The following PDE1C variants were observed in gnomAD, a reference collection of about 807,000 sequenced individuals.
PDE1C encodes phosphodiesterase 1C, also known as dual specificity calcium/calmodulin-dependent 3',5'-cyclic nucleotide phosphodiesterase 1C.
PDE1C carries 62 observed loss-of-function variants against 93.1 expected under a neutral mutation model. The ratio of observed to expected loss-of-function variants is 0.67; its 90% CI spans 0.54 to 0.82. The LOEUF is 0.82. PDE1C is among the 40% of genes least tolerant of loss of function. The probability of loss-of-function intolerance (pLI) is 0.00; values close to 1 mark genes in which losing one functional copy is unlikely to be tolerated. For synonymous variants in PDE1C, 325 were observed against 310.1 expected (o/e 1.05, Z -0.50); for missense variants, 742 against 884.6 (o/e 0.84, Z 2.04).
intron 12 of PDE1C, among the ~76,000 whole-genome samples, chr7:31,826,483 C>T (rs980992867): frequency 2.0e-5 from 3 of 152,114 alleles, no homozygotes; most frequent in African/African-American, 7.2e-5. Context: ...TATTTGATGA[C>T]ACCATTTTTG....
Position 31,752,311 on chromosome 7 carries a change from A to G in PDE1C, c.*1073T>C, listed in dbSNP as rs1794178753. ...TAAAAATCCTAGGGAGAGACACAGAAGGGCTAACAATGCCACCATAAAAAG... is the reference window on the plus strand; with the variant it reads ...TAAAAATCCTAGGGAGAGACACAGAGGGGCTAACAATGCCACCATAAAAAG... On this transcript the variant is annotated 3_prime_UTR_variant, in exon 18 of 18. Coordinates refer to ENST00000396191, the MANE Select transcript of PDE1C (RefSeq NM_001191057.4). The G allele has an allele frequency of 6.6e-6, 1 of 152,154 alleles. No individual in the cohort carries two copies. The highest frequency in any genetic ancestry group is 6.5e-5 in the Admixed American group (1 of 15,274). 9.4% of individuals were successfully genotyped at this position (152,154 alleles called of 1,614,324 possible). A position where few individuals can be genotyped will look rare whatever the true frequency, so the allele number is the denominator to read the frequency against.
At chr7:32,323,929 A>G (rs374691578) in intron 1 of PDE1C, among the ~76,000 whole-genome samples, 11 of 152,296 alleles carry the variant, frequency 7.2e-5, no homozygotes, top group Admixed American at 3.3e-4. Context: ...TCTTCTGTAC[A>G]TGTGTCTCCC....
At chr7:32,320,887 AG>A (rs1306606779) in intron 1 of PDE1C, among the ~76,000 whole-genome samples, 3 of 152,220 alleles carry the variant, frequency 2.0e-5, no homozygotes, top group Non-Finnish European at 1.5e-5. Flanking sequence ...ACCACTTGAC[AG>A]GGAGGTATGT....
the PDE1C span, among the ~76,000 whole-genome samples, chr7:31,648,624 G>T: frequency 2.0e-5 from 3 of 152,094 alleles, no homozygotes; most frequent in Non-Finnish European, 4.4e-5. Flanking sequence ...AACTACATGA[G>T]CATAAAATTC....
Position 32,043,959 on chromosome 7 carries a change from T to G in PDE1C, c.128+7595A>C, listed in dbSNP as rs535739052. On this transcript the variant is annotated intron_variant, in intron 2 of 17. Transcript: ENST00000396191. Reference sequence around the variant, plus strand: ...TACCCAGAGTTCCACCTAGTAACTATGACGTTAGTTCTGACCCATGATAGA... The same window carrying G: ...TACCCAGAGTTCCACCTAGTAACTAGGACGTTAGTTCTGACCCATGATAGA... Among the ~76,000 whole-genome samples the G allele has an allele frequency of 1.1e-4, 16 of 152,322 alleles. No individual in the cohort carries two copies. The South Asian group carries it at 3.3e-3, about 32-fold the overall frequency.
intron 3 of PDE1C, among the ~76,000 whole-genome samples, chr7:32,114,863 A>G (rs1798894862): frequency 1.3e-5 from 2 of 152,220 alleles, no homozygotes; most frequent in South Asian, 4.1e-4. Context: ...ACATGAAACA[A>G]AGCTCAACAT....
the PDE1C span, among the ~76,000 whole-genome samples, chr7:31,623,939 C>G: frequency 6.7e-6 from 1 of 150,206 alleles, no homozygotes; most frequent in Non-Finnish European, 1.5e-5. Flanking sequence ...GATACAAAAT[C>G]AATGTACAAA....
intron 2 of PDE1C, among the ~76,000 whole-genome samples, chr7:31,927,695 C>T (rs1013982282): frequency 3.9e-5 from 6 of 152,154 alleles, no homozygotes; most frequent in African/African-American, 1.4e-4. Flanking sequence ...AGCAGACCTG[C>T]AGAAGAGAGT....
At chr7:31,660,389 T>C in the PDE1C span, among the ~76,000 whole-genome samples, 1 of 152,348 alleles carries the variant, frequency 6.6e-6, no homozygotes, top group African/African-American at 2.4e-5. Context: ...TGGTCTACTA[T>C]ATCACATAAC....
intron 2 of PDE1C, among the ~76,000 whole-genome samples, chr7:32,193,188 T>C (rs1804355890): frequency 6.6e-6 from 1 of 152,204 alleles, no homozygotes; most frequent in South Asian, 2.1e-4. Flanking sequence ...TTCAACACTA[T>C]GTTGAATAGG....
At chr7:31,694,180 C>T in the PDE1C span, among the ~76,000 whole-genome samples, 2 of 151,900 alleles carry the variant, frequency 1.3e-5, no homozygotes, top group African/African-American at 2.4e-5. Flanking sequence ...AACAAAAATG[C>T]TGTGGATATT....
At chr7:31,652,154 C>A in the PDE1C span, 62 of 870,114 alleles carry the variant, frequency 7.1e-5, 1 homozygote, top group South Asian at 9.5e-4. Flanking sequence ...TCTAGGTTTA[C>A]ATGCCAACAC....
At chr7:32,047,660 A>C (rs2128677498) in intron 2 of PDE1C, among the ~76,000 whole-genome samples, 1 of 152,172 alleles carries the variant, frequency 6.6e-6, no homozygotes, top group African/African-American at 2.4e-5. Flanking sequence ...AAGAAAGATA[A>C]CTGCCTCAAT....
the PDE1C span, among the ~76,000 whole-genome samples, chr7:31,645,252 A>G: frequency 6.6e-6 from 1 of 152,248 alleles, no homozygotes; most frequent in Non-Finnish European, 1.5e-5. Context: ...ATTATTTGAA[A>G]GATAAAGCAA....
At chr7:31,926,776 C>T (rs116193210) in intron 2 of PDE1C, among the ~76,000 whole-genome samples, 257 of 152,282 alleles carry the variant, frequency 1.7e-3, no homozygotes, top group African/African-American at 6.0e-3. Flanking sequence ...TATGCTTTTC[C>T]CATGGCTTTT....
At chr7:31,672,923 T>C in the PDE1C span, among the ~76,000 whole-genome samples, 9 of 152,234 alleles carry the variant, frequency 5.9e-5, no homozygotes, top group African/African-American at 2.2e-4. Context: ...CTGAGTGAGT[T>C]TTTATGATAT....
chr7:31,633,352 C>T, the PDE1C span, among the ~76,000 whole-genome samples: 154 of 152,240 alleles, frequency 1.0e-3, no homozygotes, highest in Middle Eastern at 6.8e-3. Context: ...TTTCCTAAAA[C>T]GTATGATGCT....
chr7:32,173,931 A>G (rs1390373522), intron 2 of PDE1C, among the ~76,000 whole-genome samples: 1 of 151,914 alleles, frequency 6.6e-6, no homozygotes, highest in Non-Finnish European at 1.5e-5. Context: ...GCCATAACTG[A>G]CCTCCCTTGG....
chr7:31,916,486 C>A (rs1801928028), intron 2 of PDE1C, among the ~76,000 whole-genome samples: 1 of 152,162 alleles, frequency 6.6e-6, no homozygotes, highest in Non-Finnish European at 1.5e-5. Flanking sequence ...GTCATAAGCC[C>A]ATGCTGCTGG....
Sources: gnomAD v4.1 joint callset for allele counts (sites outside exome capture counted in the v4.1 genomes callset) on GRCh38, gnomAD v4.1.1 for gene constraint, MANE v1.5 for transcripts, NCBI Gene and HGNC (gene_info 2026-07-23, HGNC 2026-07-21) for gene names.